Variants in ITGB3BP observed in about 807,000 individuals in gnomAD.
ITGB3BP encodes the protein centromere protein R.
ITGB3BP carries 27 observed loss-of-function variants against 29.1 expected under a neutral mutation model. The ratio of observed to expected loss-of-function variants is 0.93; its 90% CI spans 0.68 to 1.28. The LOEUF (loss-of-function observed/expected upper bound fraction) is 1.28, where lower values mean the gene tolerates loss of function less well. Ranked by LOEUF, ITGB3BP falls within the 50% of genes most tolerant of loss-of-function variation. The probability of loss-of-function intolerance (pLI) is 0.00; values close to 1 mark genes in which losing one functional copy is unlikely to be tolerated. For synonymous variants in ITGB3BP, 61 were observed against 61.4 expected (o/e 0.99, Z 0.03); for missense variants, 192 against 200.2 (o/e 0.96, Z 0.25).
Position 63,508,586 on chromosome 1 carries a change from T to G in ITGB3BP, c.6-16A>C. On this transcript the variant is annotated splice_polypyrimidine_tract_variant and intron_variant, in intron 1 of 8. Transcript: ENST00000271002. ...TCTTTTAACACTACAAACAAAAAAT[T>G]TAAAGAAATTTTAGATTTGACACGC... is the stretch of plus-strand genomic sequence containing the variant. The G allele has an allele frequency of 2.5e-6, 3 of 1,216,362 alleles. No individual in the cohort carries two copies. The highest frequency in any genetic ancestry group is 3.4e-6 in the Non-Finnish European group (3 of 873,226). The allele number at this position is 1,216,362 out of a possible 1,614,324, so 75.3% of individuals were successfully genotyped here.
At chr1:63,491,486 T>C (rs959549351) in intron 2 of ITGB3BP, among the ~76,000 whole-genome samples, 1 of 152,110 alleles carries the variant, frequency 6.6e-6, no homozygotes, top group Non-Finnish European at 1.5e-5. Flanking sequence ...CTGGGGGATA[T>C]AGGAAAGGTC....
intron 7 of ITGB3BP, among the ~76,000 whole-genome samples, chr1:63,452,299 T>C (rs1644870876): frequency 6.6e-6 from 1 of 152,218 alleles, no homozygotes; most frequent in African/African-American, 2.4e-5. Flanking sequence ...CCAACTATAT[T>C]AAGCCTAATT....
chr1:63,504,646 G>A (rs535081711), intron 2 of ITGB3BP, among the ~76,000 whole-genome samples: 90 of 152,232 alleles, frequency 5.9e-4, no homozygotes, highest in African/African-American at 2.1e-3. Flanking sequence ...TTGGCTGTGG[G>A]TTTGTCATAG....
rs76881362 is a variant in ITGB3BP at position 63,515,825 on chromosome 1, TAAAAAAAAAA to T, written c.6-7265_6-7256del. Among the ~76,000 whole-genome samples, 4 of 48,634 alleles carry T rather than the reference TAAAAAAAAAA, an allele frequency of 8.2e-5. 1 individual carries two copies. The highest frequency in any genetic ancestry group is 2.5e-3 in the South Asian group (2 of 796). The allele number at this position is 48,634 out of a possible 152,430, so 31.9% of individuals were successfully genotyped here. On this transcript the variant is annotated intron_variant, in intron 1 of 8. Coordinates refer to ENST00000271002, the MANE Select transcript of ITGB3BP (RefSeq NM_014288.5). ...TGGACAACAGAGCAAGACTCCAACT[TAAAAAAAAAA>T]AAAAAAAAAAAAAAAAAAGAACTAC...
chr1:63,484,032 TAAGTACAGTTGG>T (rs1351824387), intron 3 of ITGB3BP, among the ~76,000 whole-genome samples: 1 of 152,162 alleles, frequency 6.6e-6, no homozygotes, highest in Admixed American at 6.5e-5. Flanking sequence ...TATGCATTTG[TAAGTACAGTTGG>T]CCCTCTGTAT....
intron 8 of ITGB3BP, among the ~76,000 whole-genome samples, 153 bp from the exon 9 acceptor site, chr1:63,441,256 TTGAGA>T (rs1644726454): frequency 6.6e-6 from 1 of 152,166 alleles, no homozygotes; most frequent in Non-Finnish European, 1.5e-5. Context: ...CTTTTTTCTT[TTGAGA>T]CGGAGTCTCA....
intron 4 of ITGB3BP, among the ~76,000 whole-genome samples, chr1:63,456,434 G>T (rs1040230798): frequency 6.6e-6 from 1 of 152,168 alleles, no homozygotes; most frequent in South Asian, 2.1e-4. Context: ...TTGAGAGATG[G>T]TATCATAAAG....
chr1:63,453,895 TA>T, intron 7 of ITGB3BP, 22 bp downstream of exon 7: 1 of 1,435,696 alleles, frequency 7.0e-7, no homozygotes, highest in Non-Finnish European at 9.7e-7. Context: ...CTTTATGTAA[TA>T]AACTAAAACA....
intron 4 of ITGB3BP, among the ~76,000 whole-genome samples, chr1:63,474,938 A>T (rs1356306024): frequency 6.6e-6 from 1 of 152,114 alleles, no homozygotes; most frequent in African/African-American, 2.4e-5. Context: ...AAACAAAAAC[A>T]AAAACTGATC....
intron 2 of ITGB3BP, among the ~76,000 whole-genome samples, chr1:63,502,494 C>T (rs1039012736): frequency 6.7e-4 from 95 of 141,268 alleles, no homozygotes; most frequent in Non-Finnish European, 1.1e-3. Context: ...AGAATCATGG[C>T]GGGAGGCAAA....
chr1:63,498,814 C>T (rs952810588), intron 2 of ITGB3BP, among the ~76,000 whole-genome samples: 1 of 150,502 alleles, frequency 6.6e-6, no homozygotes. Flanking sequence ...TTCAGCTAGA[C>T]TGATGAAGGA....
intron 3 of ITGB3BP, among the ~76,000 whole-genome samples, chr1:63,480,334 GC>G (rs1645416526): frequency 6.6e-6 from 1 of 152,016 alleles, no homozygotes; most frequent in African/African-American, 2.4e-5. Context: ...TGTTTTATGA[GC>G]TATTTAGTTG....
chr1:63,458,639 A>G (rs183921292), intron 4 of ITGB3BP, among the ~76,000 whole-genome samples: 7 of 152,264 alleles, frequency 4.6e-5, no homozygotes, highest in Middle Eastern at 3.4e-3. Context: ...AATGGCCTGA[A>G]AAAATTTTTG....
At chr1:63,443,049 G>A (rs1004774577) in intron 8 of ITGB3BP, 2 of 152,176 alleles carry the variant, frequency 1.3e-5, no homozygotes, top group African/African-American at 4.8e-5. Flanking sequence ...CTTTTTAAAG[G>A]CTCTGGGAGT....
intron 8 of ITGB3BP, among the ~76,000 whole-genome samples, chr1:63,442,323 C>T (rs964363807): frequency 3.9e-5 from 6 of 152,202 alleles, no homozygotes; most frequent in African/African-American, 1.4e-4. Context: ...TAACATTACA[C>T]AAATTCTTCC....
intron 4 of ITGB3BP, among the ~76,000 whole-genome samples, chr1:63,455,784 C>T (rs1644926894): frequency 6.6e-6 from 1 of 151,954 alleles, no homozygotes; most frequent in Non-Finnish European, 1.5e-5. Context: ...TAATCTATAT[C>T]AACACAGTCT....
chr1:63,488,536 A>G (rs776789976), intron 3 of ITGB3BP, among the ~76,000 whole-genome samples: 1 of 152,090 alleles, frequency 6.6e-6, no homozygotes, highest in African/African-American at 2.4e-5. Context: ...TTCATACGTC[A>G]TATTTTCTCA....
chr1:63,491,567 C>T (rs539904876), intron 2 of ITGB3BP, among the ~76,000 whole-genome samples: 41 of 152,172 alleles, frequency 2.7e-4, no homozygotes, highest in African/African-American at 9.6e-4. Context: ...CTTAACTCTG[C>T]CTGGTCAACT....
chr1:63,496,790 TCC>T (rs1395538026), intron 2 of ITGB3BP, among the ~76,000 whole-genome samples: 1 of 152,228 alleles, frequency 6.6e-6, no homozygotes, highest in Admixed American at 6.5e-5. Context: ...AGTTGATTTG[TCC>T]CATGACTTGA....
Sources: allele counts gnomAD v4.1 joint callset (sites outside exome capture counted in the v4.1 genomes callset), GRCh38; gene constraint gnomAD v4.1.1; transcripts MANE v1.5; gene names NCBI Gene and HGNC (gene_info 2026-07-23, HGNC 2026-07-21).